Variants in DCC observed in about 807,000 individuals in gnomAD.
DCC encodes netrin receptor DCC.
Under a neutral mutation model 172.5 loss-of-function variants are expected in DCC, and 58 were observed. The observed-to-expected ratio is 0.34, with a 90% CI of 0.27 to 0.42. The LOEUF (loss-of-function observed/expected upper bound fraction) is 0.42, where lower values mean the gene tolerates loss of function less well. Among genes scored for constraint, DCC ranks in the 10% least tolerant of loss-of-function variants. DCC has a pLI of 1.00. For missense variants in DCC, 1,740 were observed against 1,791.0 expected, an observed-to-expected ratio of 0.97 and a Z score of 0.51; for synonymous variants, 709 against 644.5, an observed-to-expected ratio of 1.10 and a Z score of -1.52.
At chr18:52,718,156 C>T (rs2036416801) in intron 1 of DCC, among the ~76,000 whole-genome samples, 1 of 152,100 alleles carries the variant, frequency 6.6e-6, no homozygotes, top group Non-Finnish European at 1.5e-5. Flanking sequence ...GAGCTGTATG[C>T]TATGGCAAGC....
At chr18:53,213,162 A>C (rs2055784533) in intron 11 of DCC, among the ~76,000 whole-genome samples, 1 of 152,206 alleles carries the variant, frequency 6.6e-6, no homozygotes, top group African/African-American at 2.4e-5. Context: ...AACAGTACCT[A>C]CAACAAAACA....
intron 5 of DCC, among the ~76,000 whole-genome samples, chr18:52,952,561 G>A (rs551674977): frequency 1.6e-3 from 237 of 152,292 alleles, no homozygotes; most frequent in African/African-American, 5.4e-3. Flanking sequence ...TGCATTCATT[G>A]TATGAAAAGC....
chr18:52,994,850 G>A (rs1428930904), intron 5 of DCC, among the ~76,000 whole-genome samples: 1 of 152,006 alleles, frequency 6.6e-6, no homozygotes, highest in Non-Finnish European at 1.5e-5. Context: ...TGGAGAATGG[G>A]CATACGTATG....
intron 1 of DCC, among the ~76,000 whole-genome samples, chr18:52,705,819 G>A (rs2036199994): frequency 6.6e-6 from 1 of 152,154 alleles, no homozygotes; most frequent in African/African-American, 2.4e-5. Flanking sequence ...TGAATGATAA[G>A]TGAATTTATA....
intron 5 of DCC, chr18:52,941,291 T>G (rs1248216338): frequency 6.6e-6 from 1 of 152,130 alleles, no homozygotes; most frequent in Non-Finnish European, 1.5e-5. Flanking sequence ...AAAATATATA[T>G]TTATGGAAGA....
At chr18:53,036,703 C>T (rs145852266) in intron 5 of DCC, among the ~76,000 whole-genome samples, 1 of 152,086 alleles carries the variant, frequency 6.6e-6, no homozygotes, top group East Asian at 1.9e-4. Flanking sequence ...TCAATATGCA[C>T]CCCTAATCCT....
chr18:52,863,560 T>C (rs1305375567), intron 2 of DCC, among the ~76,000 whole-genome samples: 5 of 151,860 alleles, frequency 3.3e-5, no homozygotes, highest in Non-Finnish European at 5.9e-5. Flanking sequence ...TTATATCTTA[T>C]TTGGAAATGA....
chr18:53,361,858 A>G (rs573721693), intron 15 of DCC, among the ~76,000 whole-genome samples: 1 of 152,296 alleles, frequency 6.6e-6, no homozygotes, highest in Non-Finnish European at 1.5e-5. Context: ...CTGGAATTTT[A>G]AACACAAGAG....
intron 2 of DCC, among the ~76,000 whole-genome samples, chr18:52,840,179 A>G (rs114767529): frequency 2.0e-3 from 310 of 152,238 alleles, no homozygotes; most frequent in African/African-American, 6.9e-3. Flanking sequence ...GTCACATTTC[A>G]TTGCCCAACT....
chr18:53,351,418 C>T (rs376380051), intron 15 of DCC, among the ~76,000 whole-genome samples: 441 of 19,238 alleles, frequency 0.023, 57 homozygotes, highest in African/African-American at 0.051. Context: ...TATATATATA[C>T]ACACTGTGTA....
intron 1 of DCC, among the ~76,000 whole-genome samples, chr18:52,716,267 G>A (rs1008331677): frequency 7.9e-5 from 12 of 152,218 alleles, no homozygotes; most frequent in Admixed American, 2.0e-4. Flanking sequence ...GCACGTTGGC[G>A]GTTTTCTGGG....
intron 1 of DCC, among the ~76,000 whole-genome samples, chr18:52,406,121 G>A (rs1203619594): frequency 6.8e-6 from 1 of 147,762 alleles, no homozygotes; most frequent in Non-Finnish European, 1.5e-5. Context: ...CTAGCCATAT[G>A]TAGAAAGCTG....
At chr18:53,476,734 G>T (rs2045767613) in intron 25 of DCC, among the ~76,000 whole-genome samples, 1 of 152,180 alleles carries the variant, frequency 6.6e-6, no homozygotes, top group African/African-American at 2.4e-5. Context: ...TAGTGGACCA[G>T]AAGGTACTAT....
intron 9 of DCC, among the ~76,000 whole-genome samples, chr18:53,194,942 G>T (rs1049142366): frequency 6.6e-6 from 1 of 152,134 alleles, no homozygotes; most frequent in East Asian, 1.9e-4. Context: ...GTCTAATGAG[G>T]TAACCAATAT....
At chr18:52,618,478 T>C (rs1192545266) in intron 1 of DCC, among the ~76,000 whole-genome samples, 1 of 152,212 alleles carries the variant, frequency 6.6e-6, no homozygotes, top group Non-Finnish European at 1.5e-5. Flanking sequence ...CTCTGGGATC[T>C]GTACAGATAA....
chr18:53,472,667 T>G (rs967582521), intron 25 of DCC, among the ~76,000 whole-genome samples: 1 of 152,218 alleles, frequency 6.6e-6, no homozygotes. Context: ...AACTCTTTTA[T>G]GTCTTCTTTG....
intron 2 of DCC, among the ~76,000 whole-genome samples, chr18:52,897,328 G>A (rs925047659): frequency 3.3e-5 from 5 of 152,322 alleles, no homozygotes; most frequent in African/African-American, 9.6e-5. Context: ...TGCTAAGCTT[G>A]CAGAGCTGGA....
chr18:53,312,715 G>A (rs1006736657), intron 13 of DCC, among the ~76,000 whole-genome samples: 3 of 146,606 alleles, frequency 2.0e-5, no homozygotes, highest in South Asian at 2.2e-4. Flanking sequence ...AGGCTGAGGC[G>A]GGAGAATGGC....
chr18:53,371,383 T>C (rs1246582483), intron 15 of DCC, among the ~76,000 whole-genome samples: 1 of 151,938 alleles, frequency 6.6e-6, no homozygotes, highest in Non-Finnish European at 1.5e-5. Context: ...GTGGGACTGG[T>C]GAGTGTCAGA....
Sources: allele counts gnomAD v4.1 joint callset (sites outside exome capture counted in the v4.1 genomes callset), GRCh38; gene constraint gnomAD v4.1.1; transcripts MANE v1.5; gene names NCBI Gene and HGNC (gene_info 2026-07-23, HGNC 2026-07-21).